RMDN2: variants seen among roughly 807,000 people sequenced by gnomAD.
The protein encoded by RMDN2 is regulator of microtubule dynamics 2.
RMDN2 carries 61 observed loss-of-function variants against 52.8 expected under a neutral mutation model. The ratio of observed to expected loss-of-function variants is 1.16; its 90% CI spans 0.94 to 1.43. RMDN2 has a LOEUF of 1.43. Among genes scored for constraint, RMDN2 ranks in the 40% most tolerant of loss-of-function variants. The probability of loss-of-function intolerance (pLI) is 0.00; values close to 1 mark genes in which losing one functional copy is unlikely to be tolerated. For synonymous variants in RMDN2, 180 were observed against 153.1 expected (o/e 1.18, Z -1.30); for missense variants, 592 against 475.3 (o/e 1.25, Z -2.28).
At chr2:37,976,227 C>G (rs558524868) in intron 4 of RMDN2, 1 of 152,282 alleles carries the variant, frequency 6.6e-6, no homozygotes, top group South Asian at 2.1e-4. Context: ...TTTTTCATCA[C>G]AACAAGAACA....
chr2:37,960,738 C>T (rs959535438), intron 2 of RMDN2, among the ~76,000 whole-genome samples: 1 of 152,092 alleles, frequency 6.6e-6, no homozygotes, highest in Non-Finnish European at 1.5e-5. Flanking sequence ...CATCATGATT[C>T]CAGCTGGTTA....
intron 2 of RMDN2, among the ~76,000 whole-genome samples, chr2:37,969,134 G>A (rs1237798439): frequency 6.6e-6 from 1 of 151,120 alleles, no homozygotes; most frequent in Admixed American, 6.6e-5. Context: ...CATTGACCCA[G>A]TTTCTTTAGC....
intron 2 of RMDN2, among the ~76,000 whole-genome samples, chr2:37,962,289 C>G (rs1397159985): frequency 6.6e-6 from 1 of 152,216 alleles, no homozygotes. Flanking sequence ...AAGCTGTGCC[C>G]ACAGCCACCC....
At chr2:37,975,093 A>C in intron 3 of RMDN2, 119 bp from the exon 4 acceptor site, 2 of 674,900 alleles carry the variant, frequency 3.0e-6, no homozygotes, top group Non-Finnish European at 5.3e-6. Flanking sequence ...ACATAGATTC[A>C]ATAATCTATA....
downstream of RMDN2, among the ~76,000 whole-genome samples, chr2:38,018,895 C>A (rs548999728): frequency 2.0e-4 from 31 of 152,290 alleles, 1 homozygote; most frequent in East Asian, 5.8e-3. Flanking sequence ...CACACGCACA[C>A]ACGCACACAC....
chr2:38,005,285 G>C (rs1246096893), intron 10 of RMDN2, among the ~76,000 whole-genome samples: 7 of 152,176 alleles, frequency 4.6e-5, no homozygotes, highest in Non-Finnish European at 7.3e-5. Context: ...ACACTGACTT[G>C]CACAACGGTT....
chr2:37,975,648 T>TATAC (rs1431016252), intron 4 of RMDN2, among the ~76,000 whole-genome samples: 2 of 152,064 alleles, frequency 1.3e-5, no homozygotes, highest in Non-Finnish European at 2.9e-5. Flanking sequence ...GTGGCACGTG[T>TATAC]ATACCTATGA....
rs555805016 is a variant in RMDN2 at position 38,035,442 on chromosome 2, G to T, written c.1713+31226G>T. On this transcript the variant is annotated intron_variant, in intron 10 of 10. Transcript: ENST00000234195. ...AACAAGATTCTTTTTATGTTCTGAG[G>T]TTCAAATGGAAAATCAAACAAGTAA... Among the ~76,000 whole-genome samples, 604 of 152,138 alleles carry T rather than the reference G, an allele frequency of 4.0e-3. 3 individuals are homozygous for T. The highest frequency in any genetic ancestry group is 5.9e-3 in the Non-Finnish European group (401 of 67,988).
intron 2 of RMDN2, among the ~76,000 whole-genome samples, chr2:37,937,265 A>C (rs903874854): frequency 3.3e-5 from 5 of 151,948 alleles, no homozygotes; most frequent in African/African-American, 9.7e-5. Context: ...TGGTCTATAT[A>C]TCTGTTTTGG....
rs1678938224 is a variant in RMDN2, at chr2:38,017,291, T to C, written c.*52T>C. 1.4e-6 allele frequency: 2 copies of C among 1,473,674 alleles called. No homozygotes were observed. The highest frequency in any genetic ancestry group is 1.8e-6 in the Non-Finnish European group (2 of 1,108,574). The allele number at this position is 1,473,674 out of a possible 1,614,324, so 91.3% of individuals were successfully genotyped here. A position where few individuals can be genotyped will look rare whatever the true frequency, so the allele number is the denominator to read the frequency against. ...CAGATGTGGTCTACCAAAATTTAAATGAATCAAAGTTGTGCTTTTATTATC... is the reference window on the plus strand; with the variant it reads ...CAGATGTGGTCTACCAAAATTTAAACGAATCAAAGTTGTGCTTTTATTATC... On this transcript the variant is annotated 3_prime_UTR_variant, in exon 11 of 11. Coordinates refer to ENST00000354545, the MANE Select transcript of RMDN2 (RefSeq NM_001170791.3).
chr2:38,020,760 C>T (rs777156735), downstream of RMDN2, among the ~76,000 whole-genome samples: 13 of 152,328 alleles, frequency 8.5e-5, no homozygotes, highest in African/African-American at 1.7e-4. Context: ...GGGCAGGGCT[C>T]GGGACCTGCA....
chr2:38,061,224 T>C (rs1043983436), intron 10 of RMDN2, among the ~76,000 whole-genome samples: 2 of 151,674 alleles, frequency 1.3e-5, no homozygotes, highest in Non-Finnish European at 2.9e-5. Flanking sequence ...ATCCTCCCCA[T>C]GTGAAGGAAA....
At chr2:37,997,388 T>C in intron 7 of RMDN2, 28 bp from the exon 8 acceptor site, 2 of 1,430,074 alleles carry the variant, frequency 1.4e-6, no homozygotes, top group Non-Finnish European at 9.9e-7. Flanking sequence ...AACAACTTTC[T>C]AAGAGTGATG....
chr2:38,046,226 A>G (rs896542142), intron 10 of RMDN2, among the ~76,000 whole-genome samples: 64 of 152,204 alleles, frequency 4.2e-4, no homozygotes, highest in African/African-American at 1.5e-3. Flanking sequence ...ACCTTTGAGT[A>G]CATATCCCAA....
chr2:38,066,533 C>T (rs934269924), intron 10 of RMDN2, among the ~76,000 whole-genome samples: 3 of 152,128 alleles, frequency 2.0e-5, no homozygotes, highest in Admixed American at 6.5e-5. Flanking sequence ...AGCCAAAAAA[C>T]GGAGAGTTAA....
chr2:38,008,628 A>G (rs886363416), intron 10 of RMDN2, among the ~76,000 whole-genome samples: 2 of 152,144 alleles, frequency 1.3e-5, no homozygotes, highest in Non-Finnish European at 2.9e-5. Context: ...TTTCCTGAAT[A>G]CAGCACACTG....
chr2:37,973,712 G>A (rs1672092882), intron 2 of RMDN2, among the ~76,000 whole-genome samples: 3 of 152,058 alleles, frequency 2.0e-5, no homozygotes, highest in Admixed American at 2.0e-4. Context: ...GGCTGTCTAA[G>A]GAAACGGCGT....
intron 2 of RMDN2, among the ~76,000 whole-genome samples, chr2:37,957,546 C>A (rs562646959): frequency 6.6e-6 from 1 of 151,968 alleles, no homozygotes; most frequent in East Asian, 1.9e-4. Context: ...TGATATTAGC[C>A]CTTTGTCAGA....
At chr2:37,973,533 A>G (rs1369169425) in intron 2 of RMDN2, among the ~76,000 whole-genome samples, 2 of 152,206 alleles carry the variant, frequency 1.3e-5, no homozygotes, top group Non-Finnish European at 2.9e-5. Flanking sequence ...AGTAAATTAT[A>G]CAGTATGTTA....
Sources: allele counts gnomAD v4.1 joint callset (sites outside exome capture counted in the v4.1 genomes callset), GRCh38; gene constraint gnomAD v4.1.1; transcripts MANE v1.5; gene names NCBI Gene and HGNC (gene_info 2026-07-23, HGNC 2026-07-21).